The following ATP5MJ variants were observed in gnomAD, a reference collection of about 807,000 sequenced individuals.
ATP5MJ encodes ATP synthase membrane subunit j.
ATP5MJ carries 4 observed loss-of-function variants against 8.3 expected under a neutral mutation model. That is an observed-to-expected ratio of 0.48 (90% CI 0.24 to 1.11). The LOEUF (loss-of-function observed/expected upper bound fraction) is 1.11, where lower values mean the gene tolerates loss of function less well. ATP5MJ is among the 50% of genes least tolerant of loss of function. The pLI, the probability that ATP5MJ is intolerant of heterozygous loss-of-function variation, is 0.18. For missense variants in ATP5MJ, 66 were observed against 71.8 expected (o/e 0.92, Z 0.29); for synonymous variants, 23 against 21.3 (o/e 1.08, Z -0.23).
chr14:103,920,409 G>A (rs1028334900), intron 1 of ATP5MJ, among the ~76,000 whole-genome samples: 13 of 151,182 alleles, frequency 8.6e-5, no homozygotes, highest in African/African-American at 3.2e-4. Flanking sequence ...TGGGATTACA[G>A]GCGTGAGCCA....
At chr14:103,914,580 T>G in intron 2 of ATP5MJ, 1 of 686,020 alleles carries the variant, frequency 1.5e-6, no homozygotes, top group Non-Finnish European at 2.7e-6. Flanking sequence ...ATTGGAGGAC[T>G]GCTTGAGCCC....
At position 103,912,559 on chromosome 14, in the gene ATP5MJ, A is replaced by G. The variant is rs2087588630; in HGVS notation, c.*107T>C. 16 of 1,129,676 alleles carry G rather than the reference A, an allele frequency of 1.4e-5. No homozygotes were observed. The highest frequency in any genetic ancestry group is 2.3e-5 in the East Asian group (1 of 42,566). The allele number at this position is 1,129,676 out of a possible 1,614,324, so 70.0% of individuals were successfully genotyped here. A position where few individuals can be genotyped will look rare whatever the true frequency, so the allele number is the denominator to read the frequency against. On this transcript the variant is annotated 3_prime_UTR_variant, in exon 4 of 4. Transcript: ENST00000286953. Reference sequence around the variant, plus strand: ...TTATTCATGCCATGAAGTAAACGGTACTTATACAAGTGTACAGTGACGTTC... The same window carrying G: ...TTATTCATGCCATGAAGTAAACGGTGCTTATACAAGTGTACAGTGACGTTC...
chr14:103,920,155 C>T (rs1371700645), intron 1 of ATP5MJ, among the ~76,000 whole-genome samples: 7 of 131,264 alleles, frequency 5.3e-5, no homozygotes, highest in African/African-American at 1.7e-4. Context: ...GAGACAGTCT[C>T]GCTTTGTCAC....
intron 3 of ATP5MJ, chr14:103,913,545 AG>A: frequency 4.0e-6 from 1 of 252,416 alleles, no homozygotes; most frequent in Non-Finnish European, 7.4e-6. Flanking sequence ...TGGGAGGCGG[AG>A]CTTGCAGTGA....
At chr14:103,916,515 T>A (rs1452607884) in intron 1 of ATP5MJ, among the ~76,000 whole-genome samples, 1 of 152,152 alleles carries the variant, frequency 6.6e-6, no homozygotes, top group Non-Finnish European at 1.5e-5. Flanking sequence ...GGAGGGTCAC[T>A]TGAGTCCAGG....
At chr14:103,914,652 C>CAA in intron 2 of ATP5MJ, 18 of 503,704 alleles carry the variant, frequency 3.6e-5, no homozygotes, top group Admixed American at 6.6e-5. Context: ...AAAAAAAGTA[C>CAA]AAAAAAAAAA....
intron 1 of ATP5MJ, among the ~76,000 whole-genome samples, chr14:103,919,641 T>C (rs991739227): frequency 1.3e-5 from 2 of 152,092 alleles, no homozygotes; most frequent in African/African-American, 4.8e-5. Context: ...AACTGAGTCA[T>C]GCTGACATTG....
At chr14:103,919,789 T>C (rs2087657912) in intron 1 of ATP5MJ, among the ~76,000 whole-genome samples, 1 of 152,034 alleles carries the variant, frequency 6.6e-6, no homozygotes, top group Admixed American at 6.6e-5. Flanking sequence ...CATATTTGCC[T>C]GGACAAGTGA....
chr14:103,913,959 A>G lies in ATP5MJ; in HGVS notation c.148+2T>C. 3 of 1,612,542 alleles carry G rather than the reference A, an allele frequency of 1.9e-6. No homozygotes were observed. The highest frequency in any genetic ancestry group is 2.5e-6 in the Non-Finnish European group (3 of 1,178,834). ...AACCATTTTCAGAAGCAAAAATCTT[A>G]CCTTTCAAAGCCTTACTTCTTTTAT... On this transcript the variant is annotated splice_donor_variant, in intron 3 of 3. Transcript: ENST00000286953. LOFTEE classifies it high-confidence loss of function.
At position 103,912,566 on chromosome 14, in the gene ATP5MJ, C is replaced by G; in HGVS notation, c.*100G>C. The G allele has an allele frequency of 8.3e-7, 1 of 1,206,648 alleles. No individual in the cohort carries two copies. The highest frequency in any genetic ancestry group is 1.2e-6 in the Non-Finnish European group (1 of 819,976). The allele number at this position is 1,206,648 out of a possible 1,614,324, so 74.7% of individuals were successfully genotyped here. On this transcript the variant is annotated 3_prime_UTR_variant, in exon 4 of 4. Coordinates refer to ENST00000286953, the MANE Select transcript of ATP5MJ (RefSeq NM_004894.3). ...TGCCATGAAGTAAACGGTACTTATACAAGTGTACAGTGACGTTCCACGCTC... is the reference window on the plus strand; with the variant it reads ...TGCCATGAAGTAAACGGTACTTATAGAAGTGTACAGTGACGTTCCACGCTC...
intron 1 of ATP5MJ, among the ~76,000 whole-genome samples, chr14:103,919,828 G>C (rs56060232): frequency 0.25 from 37,875 of 150,162 alleles, 5,147 homozygotes; most frequent in South Asian, 0.44. Context: ...TAAAACGAGG[G>C]CCCCCCCTTT....
intron 1 of ATP5MJ, 55 bp from the exon 2 acceptor site, chr14:103,915,244 T>C (rs2087616030): frequency 6.3e-7 from 1 of 1,583,306 alleles, no homozygotes; most frequent in Admixed American, 1.7e-5. Context: ...TAAACCTAAC[T>C]GGTAAAAGAT....
Position 103,912,488 on chromosome 14 carries a change from A to G in ATP5MJ, c.*178T>C. On this transcript the variant is annotated 3_prime_UTR_variant, in exon 4 of 4. Coordinates refer to ENST00000286953, the MANE Select transcript of ATP5MJ (RefSeq NM_004894.3). ...GACACGCCGGAGGGGCTGAGGGGGAACACACTGAAAGCAGTACCAGGTAGC... is the reference window on the plus strand; with the variant it reads ...GACACGCCGGAGGGGCTGAGGGGGAGCACACTGAAAGCAGTACCAGGTAGC... 1 of 680,558 alleles carries G rather than the reference A, an allele frequency of 1.5e-6. No homozygotes were observed. Among genetic ancestry groups the G allele is most frequent in the Non-Finnish European group, 2.6e-6 (1 of 387,542 alleles). The allele number at this position is 680,558 out of a possible 1,614,324, so 42.2% of individuals were successfully genotyped here.
intron 3 of ATP5MJ, chr14:103,912,941 C>G: frequency 3.8e-6 from 2 of 526,418 alleles, no homozygotes; most frequent in Non-Finnish European, 6.8e-6. Flanking sequence ...ACACCTCCTC[C>G]TCAAACTCAT....
chr14:103,920,928 G>C (rs757923347), intron 1 of ATP5MJ: 60 of 1,542,718 alleles, frequency 3.9e-5, no homozygotes, highest in Non-Finnish European at 5.1e-5. Flanking sequence ...TACATTAAGG[G>C]CGAACTATTA....
In ATP5MJ at chr14:103,912,304, G is replaced by A. The variant is rs1369636942; in HGVS notation, c.*362C>T. 1 of 217,384 alleles carries A rather than the reference G, an allele frequency of 4.6e-6. No homozygotes were observed. Among genetic ancestry groups the A allele is most frequent in the African/African-American group, 2.3e-5 (1 of 44,140 alleles). The allele number at this position is 217,384 out of a possible 1,614,324, so 13.5% of individuals were successfully genotyped here. On this transcript the variant is annotated 3_prime_UTR_variant, in exon 4 of 4. Transcript: ENST00000286953. Reference sequence around the variant, plus strand: ...GCCACAAGATAAGTAGCAGGATCAAGTTTAATAAACGTTTATTGAGCAGTA... The same window carrying A: ...GCCACAAGATAAGTAGCAGGATCAAATTTAATAAACGTTTATTGAGCAGTA...
intron 2 of ATP5MJ, 59 bp from the exon 3 acceptor site, chr14:103,914,043 G>A: frequency 6.7e-7 from 1 of 1,502,096 alleles, no homozygotes; most frequent in Non-Finnish European, 9.1e-7. Context: ...AAATGCCTTT[G>A]TCAAAATTAA....
chr14:103,921,168 T>G, intron 1 of ATP5MJ: 1 of 771,704 alleles, frequency 1.3e-6, no homozygotes, highest in Non-Finnish European at 2.1e-6. Flanking sequence ...GCGTAGCCTC[T>G]GGGTTAGGCA....
chr14:103,913,853 T>TA, intron 3 of ATP5MJ, 108 bp downstream of exon 3: 1 of 1,301,936 alleles, frequency 7.7e-7, no homozygotes, highest in Non-Finnish European at 1.1e-6. Flanking sequence ...ACCTTACATA[T>TA]ATACTGAACT....
Sources: gnomAD v4.1 joint callset for allele counts (sites outside exome capture counted in the v4.1 genomes callset) on GRCh38, gnomAD v4.1.1 for gene constraint, MANE v1.5 for transcripts, NCBI Gene and HGNC (gene_info 2026-07-23, HGNC 2026-07-21) for gene names.